TNNI3K: variants seen among roughly 807,000 people sequenced by gnomAD.
TNNI3K encodes the protein TNNI3 interacting kinase.
Under a neutral mutation model 114.5 loss-of-function variants are expected in TNNI3K, and 140 were observed. The ratio of observed to expected loss-of-function variants is 1.22; its 90% confidence interval spans 1.07 to 1.41. TNNI3K has a LOEUF of 1.41. Ranked by LOEUF, TNNI3K falls within the 40% of genes most tolerant of loss-of-function variation. The probability of loss-of-function intolerance (pLI) is 0.00; values close to 1 mark genes in which losing one functional copy is unlikely to be tolerated. For missense variants in TNNI3K, 1,125 were observed against 1,007.6 expected (o/e 1.12, Z -1.58); for synonymous variants, 347 against 347.5 (o/e 1.00, Z 0.02).
At chr1:74,283,357 T>C (rs1425729856) in intron 5 of TNNI3K, among the ~76,000 whole-genome samples, 3 of 152,190 alleles carry the variant, frequency 2.0e-5, no homozygotes, top group Non-Finnish European at 2.9e-5. Flanking sequence ...GATCATGTAT[T>C]ATTATCAGTT....
intron 5 of TNNI3K, among the ~76,000 whole-genome samples, chr1:74,272,188 A>G (rs1231008916): frequency 6.6e-6 from 1 of 151,958 alleles, no homozygotes; most frequent in Non-Finnish European, 1.5e-5. Flanking sequence ...TTCATCACCT[A>G]TTATGCACCG....
At chr1:74,309,097 G>A (rs1003012764) in intron 5 of TNNI3K, among the ~76,000 whole-genome samples, 9 of 151,942 alleles carry the variant, frequency 5.9e-5, no homozygotes, top group African/African-American at 1.2e-4. Flanking sequence ...GGCCGGGCGC[G>A]GTGGCTCACG....
rs888789726 is a variant in TNNI3K, at chr1:74,512,834, C to A, written c.2351+20568C>A. The stretch of plus-strand genomic sequence containing the variant: ...ATACTGTATTCTTCAAAATGGGCAC[C>A]CCCTGCAGCATGCCTCACTCTACAA... On this transcript the variant is annotated intron_variant, in intron 23 of 24. Coordinates refer to ENST00000326637, the MANE Select transcript of TNNI3K (RefSeq NM_015978.3). Among the ~76,000 whole-genome samples the A allele has an allele frequency of 3.3e-5, 5 of 152,214 alleles. No individual in the cohort carries two copies. The South Asian group carries it at 1.0e-3, about 32-fold the overall frequency.
chr1:74,540,618 A>C (rs1358887828), intron 24 of TNNI3K, among the ~76,000 whole-genome samples: 15 of 151,948 alleles, frequency 9.9e-5, no homozygotes, highest in Non-Finnish European at 1.6e-4. Flanking sequence ...AAAAAAAAAA[A>C]AAACTCCTTC....
chr1:74,436,196 A>C (rs1490503030), intron 18 of TNNI3K, 64 bp downstream of exon 18: 11 of 1,587,528 alleles, frequency 6.9e-6, no homozygotes, highest in Non-Finnish European at 8.6e-6. Flanking sequence ...ATGGTGCCTG[A>C]TATTGTACCA....
chr1:74,509,926 G>C (rs937352544), intron 23 of TNNI3K, among the ~76,000 whole-genome samples: 4 of 151,172 alleles, frequency 2.6e-5, no homozygotes, highest in Non-Finnish European at 5.9e-5. Context: ...GCTAATTTTT[G>C]TATTTTTTGT....
rs115479596 is a variant in TNNI3K at position 74,414,942 on chromosome 1, A to G, written c.1773-21138A>G. 1.2e-3 allele frequency among the ~76,000 whole-genome samples: 181 copies of G among 152,212 alleles called. 1 individual carries two copies. The highest frequency in any genetic ancestry group is 1.2e-3 in the Non-Finnish European group (79 of 68,014). On this transcript the variant is annotated intron_variant, in intron 17 of 24. Coordinates refer to ENST00000326637, the MANE Select transcript of TNNI3K (RefSeq NM_015978.3). ...AAAAAAATAAAAGTCAGATTATGTT[A>G]CTCCTACACTCAAAACCTTCTAATG... is the stretch of plus-strand genomic sequence containing the variant.
At chr1:74,356,720 C>T (rs45599535) in intron 11 of TNNI3K, among the ~76,000 whole-genome samples, 2,275 of 152,264 alleles carry the variant, frequency 0.015, 51 homozygotes, top group African/African-American at 0.049. Context: ...TGGAATTCCA[C>T]ACTTCTATGA....
At chr1:74,464,042 G>A (rs1404034661) in intron 21 of TNNI3K, among the ~76,000 whole-genome samples, 1 of 152,308 alleles carries the variant, frequency 6.6e-6, no homozygotes, top group African/African-American at 2.4e-5. Flanking sequence ...CATAGACTTC[G>A]AATTCAAATG....
chr1:74,295,385 T>TA (rs1657920339), intron 5 of TNNI3K, among the ~76,000 whole-genome samples: 2 of 152,172 alleles, frequency 1.3e-5, no homozygotes, highest in African/African-American at 4.8e-5. Context: ...AATCACATTT[T>TA]AAAAATTGTC....
chr1:74,373,163 T>C (rs1429968277), intron 17 of TNNI3K: 3 of 151,900 alleles, frequency 2.0e-5, no homozygotes, highest in African/African-American at 2.4e-5. Flanking sequence ...ATAAGACATA[T>C]GCCCAGAAAG....
intron 5 of TNNI3K, among the ~76,000 whole-genome samples, chr1:74,302,043 G>T (rs1330216993): frequency 6.6e-6 from 1 of 152,136 alleles, no homozygotes; most frequent in Non-Finnish European, 1.5e-5. Context: ...TAAATTGAAG[G>T]TTAGTGGCAG....
intron 11 of TNNI3K, among the ~76,000 whole-genome samples, chr1:74,361,622 G>A (rs1377563583): frequency 6.6e-6 from 1 of 151,996 alleles, no homozygotes; most frequent in East Asian, 1.9e-4. Flanking sequence ...GACACAGGCT[G>A]CAAGCAAGAA....
At chr1:74,434,230 C>A (rs1387729697) in intron 17 of TNNI3K, among the ~76,000 whole-genome samples, 1 of 152,014 alleles carries the variant, frequency 6.6e-6, no homozygotes, top group Non-Finnish European at 1.5e-5. Flanking sequence ...ACACCACTTT[C>A]ACCCAAATAT....
At chr1:74,239,379 A>C (rs1654047310) in intron 2 of TNNI3K, among the ~76,000 whole-genome samples, 1 of 152,138 alleles carries the variant, frequency 6.6e-6, no homozygotes, top group African/African-American at 2.4e-5. Flanking sequence ...GGAAGATCAA[A>C]CCTAACACTG....
intron 23 of TNNI3K, among the ~76,000 whole-genome samples, chr1:74,531,365 G>A (rs975860144): frequency 1.3e-5 from 2 of 152,140 alleles, no homozygotes; most frequent in South Asian, 4.1e-4. Context: ...TTAGCAAATG[G>A]CCATTCATAA....
chr1:74,467,214 T>C (rs1295721019), intron 21 of TNNI3K, among the ~76,000 whole-genome samples: 1 of 152,170 alleles, frequency 6.6e-6, no homozygotes, highest in Non-Finnish European at 1.5e-5. Context: ...GTTGCAACAT[T>C]GTAGCCATGG....
At chr1:74,322,218 G>A (rs571079742) in intron 5 of TNNI3K, among the ~76,000 whole-genome samples, 6 of 152,258 alleles carry the variant, frequency 3.9e-5, no homozygotes, top group Admixed American at 3.3e-4. Flanking sequence ...GAAACAGTTT[G>A]TGGTGTTGAA....
chr1:74,368,316 A>G (rs1233562375), intron 13 of TNNI3K, among the ~76,000 whole-genome samples: 1 of 151,946 alleles, frequency 6.6e-6, no homozygotes, highest in Non-Finnish European at 1.5e-5. Flanking sequence ...ATTTTTCAAA[A>G]TATCCCCAAT....
Sources: allele counts gnomAD v4.1 joint callset (sites outside exome capture counted in the v4.1 genomes callset), GRCh38; gene constraint gnomAD v4.1.1; transcripts MANE v1.5; gene names NCBI Gene and HGNC (gene_info 2026-07-23, HGNC 2026-07-21).